The following ALPK2 variants were observed in gnomAD, a reference collection of about 807,000 sequenced individuals.
The protein encoded by ALPK2 is alpha-protein kinase 2.
In ALPK2, 127 loss-of-function variants were observed where a neutral mutation model predicts 163.1. The ratio of observed to expected loss-of-function variants is 0.78; its 90% CI spans 0.67 to 0.90. The LOEUF is 0.90. Ranked by LOEUF, ALPK2 falls within the 40% of genes least tolerant of loss-of-function variation. The pLI is 0.00. For synonymous variants in ALPK2, 953 were observed against 959.1 expected (o/e 0.99, Z 0.12); for missense variants, 2,360 against 2,589.6 (o/e 0.91, Z 1.92).
rs756222929 is a variant in ALPK2, at chr18:58,537,253, A to C, written c.2934T>G (p.Tyr978Ter). Residue 978 changes from tyrosine to a stop codon, truncating the protein, a stop_gained, in exon 5 of 13, where the codon TAT (tyrosine) becomes TAG (stop). Transcript: ENST00000361673. LOFTEE classifies it high-confidence loss of function. ...CCCAAGGAAAACTCACAATTGAACTATAACTGGCTGGTGTGGCTGTGGTGT... is the reference window on the plus strand; with the variant it reads ...CCCAAGGAAAACTCACAATTGAACTCTAACTGGCTGGTGTGGCTGTGGTGT... ...AADTTATPASYSSIVSFPWEK... is the reference protein window; with the variant it reads ...AADTTATPAS 2 of 1,614,204 alleles carry C rather than the reference A, an allele frequency of 1.2e-6. No homozygotes were observed. The highest frequency in any genetic ancestry group is 1.7e-6 in the Non-Finnish European group (2 of 1,180,018).
chr18:58,607,187 T>C lies in ALPK2; in HGVS notation c.227+135A>G, dbSNP rs1277506980. 3 of 560,580 alleles carry C rather than the reference T, an allele frequency of 5.4e-6. No individual in the cohort carries two copies. The African/African-American group carries it at 5.8e-5, about 11-fold the overall frequency. 34.7% of individuals were successfully genotyped at this position (560,580 alleles called of 1,614,324 possible). ...CATCATTGCTGGGTGCTTTGGCAGA[T>C]GCCTGCCAATGGCATCTAAAATTAT... On this transcript the variant is annotated intron_variant, in intron 3 of 12. Transcript: ENST00000361673.
intron 1 of ALPK2, among the ~76,000 whole-genome samples, chr18:58,620,511 C>A (rs59408048): frequency 0.01 from 1,567 of 152,098 alleles, 18 homozygotes; most frequent in South Asian, 0.027. Flanking sequence ...GAGGTGAGGG[C>A]AGTGGGGAGA....
intron 1 of ALPK2, among the ~76,000 whole-genome samples, chr18:58,627,026 AG>A (rs1222881969): frequency 5.3e-5 from 8 of 152,202 alleles, no homozygotes; most frequent in Non-Finnish European, 1.2e-4. Flanking sequence ...AAGATTTTAC[AG>A]ATGAGTAAAC....
chr18:58,576,167 A>G (rs1305585095), intron 4 of ALPK2, among the ~76,000 whole-genome samples: 1 of 152,150 alleles, frequency 6.6e-6, no homozygotes, highest in Non-Finnish European at 1.5e-5. Context: ...TGAGGTCAGG[A>G]GTTCGAGACC....
intron 2 of ALPK2, among the ~76,000 whole-genome samples, chr18:58,611,098 A>G (rs145594830): frequency 3.0e-4 from 45 of 151,306 alleles, no homozygotes; most frequent in African/African-American, 1.1e-3. Context: ...GTCTCAAAAA[A>G]AAAAAAACAA....
intron 3 of ALPK2, among the ~76,000 whole-genome samples, chr18:58,591,838 T>C (rs952521818): frequency 6.6e-6 from 1 of 152,156 alleles, no homozygotes; most frequent in Non-Finnish European, 1.5e-5. Flanking sequence ...ACTCTCTTAA[T>C]ACACCAAAGC....
chr18:58,547,688 A>C (rs1040708800), intron 4 of ALPK2, among the ~76,000 whole-genome samples: 1 of 152,232 alleles, frequency 6.6e-6, no homozygotes, highest in African/African-American at 2.4e-5. Flanking sequence ...GCTTCTTCCC[A>C]GAAAGTCTTG....
At chr18:58,615,846 T>C (rs898625582) in intron 1 of ALPK2, among the ~76,000 whole-genome samples, 1 of 152,214 alleles carries the variant, frequency 6.6e-6, no homozygotes, top group Admixed American at 6.5e-5. Flanking sequence ...CCCCAGGTGA[T>C]GACTTCCTGA....
intron 1 of ALPK2, among the ~76,000 whole-genome samples, chr18:58,614,704 T>A (rs1007091261): frequency 6.6e-6 from 1 of 151,782 alleles, no homozygotes; most frequent in East Asian, 2.0e-4. Flanking sequence ...GACTAGAGGC[T>A]TGAGCCTCCA....
intron 2 of ALPK2, among the ~76,000 whole-genome samples, chr18:58,609,765 A>G (rs2052117991): frequency 6.6e-6 from 1 of 152,202 alleles, no homozygotes; most frequent in South Asian, 2.1e-4. Flanking sequence ...ACTGTGGGTC[A>G]TACATTGAGA....
chr18:58,485,308 A>G (rs1238414900), intron 12 of ALPK2, among the ~76,000 whole-genome samples: 1 of 152,238 alleles, frequency 6.6e-6, no homozygotes, highest in African/African-American at 2.4e-5. Flanking sequence ...TAGAAACTAT[A>G]GAGGTCGACA....
In ALPK2 at chr18:58,607,332, G is replaced by A. The variant is rs1438898959; in HGVS notation, c.217C>T (p.His73Tyr). Residue 73 changes from histidine (H) to tyrosine (Y), a missense_variant, in exon 3 of 13, where the codon CAT (histidine) becomes TAT (tyrosine). By Grantham distance (83) the His-to-Tyr change is moderately conservative. Coordinates refer to ENST00000361673, the MANE Select transcript of ALPK2 (RefSeq NM_052947.4). ...GGTATAGCCACTTACCAAGAGAGAT[G>A]TAACACATGAATATACTGATTCTCA... ...FFENQYIHVL[H>Y]LSCCTKNDAA... 9 of 1,609,256 alleles carry A rather than the reference G, an allele frequency of 5.6e-6. No individual in the cohort carries two copies. The highest frequency in any genetic ancestry group is 6.8e-6 in the Non-Finnish European group (8 of 1,176,826).
At chr18:58,615,419 C>T (rs1455358958) in intron 1 of ALPK2, among the ~76,000 whole-genome samples, 1 of 152,170 alleles carries the variant, frequency 6.6e-6, no homozygotes, top group Admixed American at 6.5e-5. Context: ...AACAAATCTA[C>T]ATCCAGCTCT....
In ALPK2 at chr18:58,556,169, T is replaced by TTA. The variant is rs372389117; in HGVS notation, c.1963-17946_1963-17945insTA. ...ATTCATTAATTTATTGGACTAGATC[T>TTA]CACACACACACACACACGCACACAC... On this transcript the variant is annotated intron_variant, in intron 4 of 12. Coordinates refer to ENST00000361673, the MANE Select transcript of ALPK2 (RefSeq NM_052947.4). Among the ~76,000 whole-genome samples, 25 of 149,108 alleles carry TTA rather than the reference T, an allele frequency of 1.7e-4. No individual in the cohort carries two copies. The East Asian group carries it at 2.9e-3, about 17-fold the overall frequency.
Position 58,578,653 on chromosome 18 carries a change from A to T in ALPK2, c.1962+161T>A, listed in dbSNP as rs184159147. 7.3e-4 allele frequency: 497 copies of T among 677,736 alleles called. 2 individuals carry two copies. The African/African-American group carries it at 8.6e-3, about 12-fold the overall frequency. 42.0% of individuals were successfully genotyped at this position (677,736 alleles called of 1,614,324 possible). A position where few individuals can be genotyped will look rare whatever the true frequency, so the allele number is the denominator to read the frequency against. ...TTCCGAGCAGCAGCAGCTGTCATGC[A>T]CAAGTACCCTGATGGTGTTGGGAAA... On this transcript the variant is annotated intron_variant, in intron 4 of 12. Coordinates refer to ENST00000361673, the MANE Select transcript of ALPK2 (RefSeq NM_052947.4).
intron 1 of ALPK2, among the ~76,000 whole-genome samples, chr18:58,628,312 A>T (rs943932579): frequency 6.6e-6 from 1 of 152,254 alleles, no homozygotes; most frequent in African/African-American, 2.4e-5. Flanking sequence ...GTTAATTCAC[A>T]GTAAAAGGAA....
chr18:58,526,390 G>A (rs577017558), intron 6 of ALPK2, among the ~76,000 whole-genome samples: 72 of 152,224 alleles, frequency 4.7e-4, no homozygotes, highest in East Asian at 2.1e-3. Flanking sequence ...AGAAGTCCTC[G>A]GGTTGTTTCT....
chr18:58,527,484 A>T (rs1404928162), intron 6 of ALPK2, among the ~76,000 whole-genome samples: 1 of 152,244 alleles, frequency 6.6e-6, no homozygotes, highest in African/African-American at 2.4e-5. Flanking sequence ...TACTAATGAC[A>T]TATGCTCCCC....
In ALPK2 at chr18:58,537,976, T is replaced by C; in HGVS notation, c.2211A>G (p.Leu737=). The C allele has an allele frequency of 6.2e-7, 1 of 1,614,250 alleles. No individual in the cohort carries two copies. Among genetic ancestry groups the C allele is most frequent in the Non-Finnish European group, 8.5e-7 (1 of 1,180,044 alleles). The part of the protein sequence containing the change: ...GNIPDNFRED[L]KYEQSISEAN... The stretch of plus-strand genomic sequence containing the variant: ...CTTCTGAGATGCTCTGCTCATATTT[T>C]AGGTCTTCCCTGAAATTGTCAGGTA... The change falls in exon 5 of 13, where the codon CTA becomes CTG. Residue 737 remains leucine, a synonymous_variant. Transcript: ENST00000361673.
Sources: allele counts gnomAD v4.1 joint callset (sites outside exome capture counted in the v4.1 genomes callset), GRCh38; gene constraint gnomAD v4.1.1; transcripts MANE v1.5; gene names NCBI Gene and HGNC (gene_info 2026-07-23, HGNC 2026-07-21).